ARMC9: variants seen among roughly 807,000 people sequenced by gnomAD.
ARMC9 encodes the protein lisH domain-containing protein ARMC9.
In ARMC9, 94 loss-of-function variants were observed where a neutral mutation model predicts 107.0. The ratio of observed to expected loss-of-function variants is 0.88; its 90% CI spans 0.74 to 1.04. The LOEUF (loss-of-function observed/expected upper bound fraction) is 1.04. Among genes scored for constraint, ARMC9 ranks in the 50% least tolerant of loss-of-function variants. The probability of loss-of-function intolerance (pLI) is 0.00; values close to 1 mark genes in which losing one functional copy is unlikely to be tolerated. For missense variants in ARMC9, 942 were observed against 1,030.1 expected (o/e 0.91, Z 1.17); for synonymous variants, 380 against 396.9 (o/e 0.96, Z 0.51).
At chr2:231,317,804 T>C (rs1302800957) in intron 19 of ARMC9, among the ~76,000 whole-genome samples, 1 of 152,194 alleles carries the variant, frequency 6.6e-6, no homozygotes, top group African/African-American at 2.4e-5. Context: ...ATTTCAGTTA[T>C]TGTACTTTTC....
intron 12 of ARMC9, among the ~76,000 whole-genome samples, chr2:231,266,614 C>T (rs909831123): frequency 1.3e-5 from 2 of 152,170 alleles, no homozygotes; most frequent in African/African-American, 4.8e-5. Flanking sequence ...CCATTTCCCC[C>T]TACTCCAGGC....
intron 12 of ARMC9, among the ~76,000 whole-genome samples, chr2:231,262,644 C>T (rs1260464928): frequency 6.6e-6 from 1 of 152,130 alleles, no homozygotes; most frequent in Middle Eastern, 3.2e-3. Context: ...TTCTCAAATT[C>T]CCTACTCTTT....
At chr2:231,199,581 G>T (rs2125293417) in intron 1 of ARMC9, among the ~76,000 whole-genome samples, 1 of 152,322 alleles carries the variant, frequency 6.6e-6, no homozygotes, top group East Asian at 1.9e-4. Flanking sequence ...TCACCTGTCA[G>T]GTTTACTATG....
chr2:231,269,218 T>C (rs1180886488), intron 12 of ARMC9, among the ~76,000 whole-genome samples: 1 of 152,136 alleles, frequency 6.6e-6, no homozygotes, highest in African/African-American at 2.4e-5. Flanking sequence ...GAGCACTTTG[T>C]GGGCCCTTTC....
At chr2:231,269,581 C>A (rs1234842902) in intron 12 of ARMC9, among the ~76,000 whole-genome samples, 1 of 151,648 alleles carries the variant, frequency 6.6e-6, no homozygotes, top group Non-Finnish European at 1.5e-5. Context: ...GACGGGGTTT[C>A]ACCATGTTGG....
intron 19 of ARMC9, among the ~76,000 whole-genome samples, chr2:231,299,599 C>T (rs1163554550): frequency 6.6e-6 from 1 of 152,166 alleles, no homozygotes; most frequent in Non-Finnish European, 1.5e-5. Context: ...GAAGTGTATG[C>T]TGCTCCTCGC....
chr2:231,299,091 C>T (rs373510206), intron 19 of ARMC9, among the ~76,000 whole-genome samples: 1 of 152,108 alleles, frequency 6.6e-6, no homozygotes, highest in Non-Finnish European at 1.5e-5. Flanking sequence ...TGCAAAGTCT[C>T]GTTTTTCTCT....
At chr2:231,295,745 T>G (rs1394957612) in intron 18 of ARMC9, 1 of 153,042 alleles carries the variant, frequency 6.5e-6, no homozygotes, top group Non-Finnish European at 1.5e-5. Flanking sequence ...AGACTCGGCT[T>G]GAATCTCAGC....
chr2:231,224,194 C>T (rs932954321), intron 6 of ARMC9, among the ~76,000 whole-genome samples: 2 of 152,228 alleles, frequency 1.3e-5, no homozygotes, highest in African/African-American at 4.8e-5. Context: ...CGCCTGTAAT[C>T]CCAGCACTTT....
chr2:231,346,227 T>C (rs1326637671), intron 21 of ARMC9, among the ~76,000 whole-genome samples: 1 of 152,210 alleles, frequency 6.6e-6, no homozygotes, highest in Admixed American at 6.5e-5. Flanking sequence ...TTAAAGAATA[T>C]TACACTGAAG....
intron 12 of ARMC9, among the ~76,000 whole-genome samples, chr2:231,264,877 C>T (rs1008451011): frequency 6.6e-6 from 1 of 151,856 alleles, no homozygotes; most frequent in East Asian, 2.0e-4. Flanking sequence ...TAGGCCGAGG[C>T]GGGTGGATCA....
intron 5 of ARMC9, among the ~76,000 whole-genome samples, chr2:231,217,586 T>G (rs940284310): frequency 6.7e-6 from 1 of 150,336 alleles, no homozygotes; most frequent in Admixed American, 6.6e-5. Flanking sequence ...AAAAAAAAAT[T>G]ACAGAAAGCA....
At chr2:231,330,862 T>C (rs925471500) in intron 19 of ARMC9, among the ~76,000 whole-genome samples, 9 of 152,182 alleles carry the variant, frequency 5.9e-5, no homozygotes, top group African/African-American at 1.7e-4. Context: ...GGGGCTTTTT[T>C]TGTTTTCACC....
chr2:231,257,748 A>G (rs1370548289), intron 10 of ARMC9, among the ~76,000 whole-genome samples: 3 of 152,194 alleles, frequency 2.0e-5, no homozygotes, highest in Non-Finnish European at 2.9e-5. Context: ...GTTAATACGT[A>G]TACAACACTT....
intron 3 of ARMC9, among the ~76,000 whole-genome samples, chr2:231,213,164 C>CTTTTTT (rs72180870): frequency 1.5e-5 from 2 of 137,684 alleles, no homozygotes; most frequent in Non-Finnish European, 3.1e-5. Flanking sequence ...AACGTTTTTT[C>CTTTTTT]TTTTTTTTTT....
intron 20 of ARMC9, among the ~76,000 whole-genome samples, chr2:231,333,889 T>C (rs1483062166): frequency 6.6e-6 from 1 of 152,200 alleles, no homozygotes; most frequent in Non-Finnish European, 1.5e-5. Flanking sequence ...CAAAATGCCA[T>C]GGGGGAGGAT....
At chr2:231,302,729 G>C (rs1468544755) in intron 19 of ARMC9, among the ~76,000 whole-genome samples, 1 of 152,226 alleles carries the variant, frequency 6.6e-6, no homozygotes, top group African/African-American at 2.4e-5. Context: ...TTGGCTGGGT[G>C]CAGTGGCTCA....
At position 231,358,195 on chromosome 2, in the gene ARMC9, G is replaced by C. The variant is rs959786187; in HGVS notation, c.2131+2261G>C. On this transcript the variant is annotated intron_variant, in intron 22 of 24. Transcript: ENST00000611582. The surrounding 1 kb of genome is among the most constrained non-coding windows in gnomAD (Gnocchi z 4.5). ...AGCCAGGGTATGAATGAGGGGGAGGGGGATGAGCAGCAGGGACAGCAGGGA... is the reference window on the plus strand; with the variant it reads ...AGCCAGGGTATGAATGAGGGGGAGGCGGATGAGCAGCAGGGACAGCAGGGA... Among the ~76,000 whole-genome samples, 1 of 152,140 alleles carries C rather than the reference G, an allele frequency of 6.6e-6. No homozygotes were observed. Among genetic ancestry groups the C allele is most frequent in the African/African-American group, 2.4e-5 (1 of 41,406 alleles).
In ARMC9 at chr2:231,282,114, G is replaced by T. The variant is rs747666182; in HGVS notation, c.1607G>T (p.Arg536Leu). The T allele has an allele frequency of 6.2e-7, 1 of 1,614,102 alleles. No homozygotes were observed. Among genetic ancestry groups the T allele is most frequent in the Non-Finnish European group, 8.5e-7 (1 of 1,179,994 alleles). Residue 536 changes from arginine to leucine, a missense_variant, in exon 17 of 25, where the codon CGT becomes CTT. Coordinates refer to ENST00000611582, the MANE Select transcript of ARMC9 (RefSeq NM_001352754.2). Reference sequence around the variant, plus strand: ...AGCATCCTTTCTGTTCCATCCATTCGTGAGGAAGCAAGAGCAATGGTAAGA... The same window carrying T: ...AGCATCCTTTCTGTTCCATCCATTCTTGAGGAAGCAAGAGCAATGGTAAGA... ...LYSILSVPSI[R>L]EEARAMGMED...
Sources: gnomAD v4.1 joint callset for allele counts (sites outside exome capture counted in the v4.1 genomes callset) on GRCh38, gnomAD v4.1.1 for gene constraint, Gnocchi (gnomAD v3.1) non-coding constraint, MANE v1.5 for transcripts, NCBI Gene and HGNC (gene_info 2026-07-23, HGNC 2026-07-21) for gene names.